The following OR2T2 variants were observed in gnomAD, a reference collection of about 807,000 sequenced individuals.
The protein encoded by OR2T2 is olfactory receptor 2T2.
For synonymous variants in OR2T2, 50 were observed against 162.7 expected, an observed-to-expected ratio of 0.31 and a Z score of 5.27; for missense variants, 138 against 409.1, an observed-to-expected ratio of 0.34 and a Z score of 5.72.
At position 248,452,673 on chromosome 1, in the gene OR2T2, G is replaced by A. The variant is rs1572911461; in HGVS notation, c.-22-103G>A. ...AGGATTTCAAATGATCCTGAAGTAG[G>A]TGATCTTTTCTTGATCTCACGCTGC... On this transcript the variant is annotated intron_variant, in intron 2 of 2. Transcript: ENST00000642130. 1.9e-5 allele frequency: 18 copies of A among 924,460 alleles called. No homozygotes were observed. In the East Asian group the frequency reaches 4.4e-4, roughly 23 times the overall value. 57.3% of individuals were successfully genotyped at this position (924,460 alleles called of 1,614,324 possible).
intron 1 of OR2T2, among the ~76,000 whole-genome samples, chr1:248,446,354 G>C (rs373942672): frequency 7.2e-6 from 1 of 138,508 alleles, no homozygotes; most frequent in African/African-American, 3.0e-5. Flanking sequence ...GGAAGCTCAG[G>C]CTGTAGGGGT....
At chr1:248,454,016 G>T (rs1662884140) in exon 3 of OR2T2, 1 of 455,566 alleles carries the variant, frequency 2.2e-6, no homozygotes, top group Non-Finnish European at 3.8e-6. Context: ...GATTACTTAG[G>T]AACAGTAGCG....
At chr1:248,446,864 T>C (rs1300518159) in intron 2 of OR2T2, 53 bp downstream of exon 2, 2 of 147,750 alleles carry the variant, frequency 1.4e-5, no homozygotes, top group Non-Finnish European at 2.9e-5. Context: ...AACTAACTTC[T>C]GGCATAGTAA....
chr1:248,453,850 G>T lies in OR2T2; in HGVS notation c.*78G>T, dbSNP rs192553060. 5.7e-3 allele frequency: 6,815 copies of T among 1,205,634 alleles called. 41 individuals are homozygous for T. The highest frequency in any genetic ancestry group is 6.4e-3 in the Non-Finnish European group (5,816 of 912,696). 74.7% of individuals were successfully genotyped at this position (1,205,634 alleles called of 1,614,324 possible). On this transcript the variant is annotated 3_prime_UTR_variant, in exon 3 of 3. Transcript: ENST00000642130. ...GGACTCCCAGAGCATCAGGGGTGGT[G>T]ACTGATCAGGAAGGACTAGCAAGGA...
At chr1:248,449,051 A>AT (rs1662730597) in intron 2 of OR2T2, 143 bp from the exon 3 acceptor site, 1 of 144,898 alleles carries the variant, frequency 6.9e-6, no homozygotes, top group Non-Finnish European at 1.5e-5. Flanking sequence ...ATCAAACTTA[A>AT]CTATGTGCCC....
intron 1 of OR2T2, 82 bp from the exon 2 acceptor site, chr1:248,446,507 G>A (rs919031967): frequency 1.4e-5 from 2 of 139,810 alleles, no homozygotes; most frequent in Admixed American, 6.8e-5. Context: ...GGGTGGACTA[G>A]ATGGGCTCGC....
rs1662847596 is a variant in OR2T2 at position 248,453,116 on chromosome 1, A to C, written c.319A>C (p.Thr107Pro). 2.5e-6 allele frequency: 4 copies of C among 1,613,038 alleles called. No individual in the cohort carries two copies. The African/African-American group carries it at 5.4e-5, about 22-fold the overall frequency. Residue 107 changes from threonine (T) to proline (P), a missense_variant, in exon 3 of 3, where the codon ACC (threonine) becomes CCC (proline). Thr to Pro is a conservative substitution (Grantham distance 38). Transcript: ENST00000642130. ...TGCAGTTCAGATCTTCCTCTACCTG[A>C]CCCTGATTGGAGGGGAATTCTTCCT...
exon 3 of OR2T2, chr1:248,453,844 G>T: frequency 5.3e-6 from 7 of 1,326,206 alleles, no homozygotes; most frequent in Non-Finnish European, 7.0e-6. Context: ...GAGCATCAGG[G>T]GTGGTGACTG....
chr1:248,447,885 TTGC>T (rs1350051642), intron 2 of OR2T2, among the ~76,000 whole-genome samples: 1 of 145,238 alleles, frequency 6.9e-6, no homozygotes, highest in Non-Finnish European at 1.5e-5. Flanking sequence ...ATCCGCCAGG[TTGC>T]TATCTACCAT....
At chr1:248,446,290 A>G (rs1438828776) in intron 1 of OR2T2, among the ~76,000 whole-genome samples, 1 of 144,660 alleles carries the variant, frequency 6.9e-6, no homozygotes, top group Non-Finnish European at 1.5e-5. Context: ...AGCATGGCAT[A>G]TAAAAGCCTG....
chr1:248,450,437 T>C (rs1662770346), intron 2 of OR2T2, among the ~76,000 whole-genome samples: 1 of 147,488 alleles, frequency 6.8e-6, no homozygotes. Context: ...TACTCTCCTC[T>C]TCTGGGATCC....
In OR2T2 at chr1:248,447,902, T is replaced by TA. The variant is rs1238095595; in HGVS notation, c.-23+1092dup. 2.2e-4 allele frequency among the ~76,000 whole-genome samples: 31 copies of TA among 141,780 alleles called. No homozygotes were observed. In the East Asian group the frequency reaches 7.0e-3, roughly 32 times the overall value. The allele number at this position is 141,780 out of a possible 152,430, so 93.0% of individuals were successfully genotyped here. On this transcript the variant is annotated intron_variant, in intron 2 of 2. Transcript: ENST00000642130. The stretch of plus-strand genomic sequence containing the variant: ...CCGCCAGGTTGCTATCTACCATGTG[T>TA]AGAAAATATTAAATGAAAAATCTCA...
At chr1:248,453,821 G>A (rs763098962) in exon 3 of OR2T2, 27 of 1,443,622 alleles carry the variant, frequency 1.9e-5, no homozygotes, top group Non-Finnish European at 2.1e-5. Context: ...GGAAGGATTA[G>A]CGGGGACTCC....
At chr1:248,447,013 AG>A (rs1662677237) in intron 2 of OR2T2, among the ~76,000 whole-genome samples, 1 of 148,208 alleles carries the variant, frequency 6.7e-6, no homozygotes, top group African/African-American at 2.6e-5. Context: ...GAGGGAAAGT[AG>A]ACTACTTTTC....
At chr1:248,447,532 C>T (rs1206866297) in intron 2 of OR2T2, among the ~76,000 whole-genome samples, 1 of 146,866 alleles carries the variant, frequency 6.8e-6, no homozygotes, top group African/African-American at 2.6e-5. Flanking sequence ...TGGACTCTCC[C>T]CTCTCTCTTC....
rs1433035897 is a variant in OR2T2, at chr1:248,453,077, T to A, written c.280T>A (p.Ser94Thr). 2.5e-6 allele frequency: 4 copies of A among 1,612,994 alleles called. No homozygotes were observed. In the African/African-American group the frequency reaches 5.4e-5, roughly 22 times the overall value. Reference sequence around the variant, plus strand: ...CCTCCTGTCCAAGGACAAGACCATTTCCTTCCTGGGCTGTGCAGTTCAGAT... The same window carrying A: ...CCTCCTGTCCAAGGACAAGACCATTACCTTCCTGGGCTGTGCAGTTCAGAT... The change falls in exon 3 of 3, where the codon TCC (serine) becomes ACC (threonine). Residue 94 changes from serine to threonine, a missense_variant. Transcript: ENST00000642130.
chr1:248,447,975 C>T (rs1444902816), intron 2 of OR2T2, among the ~76,000 whole-genome samples: 2 of 152,274 alleles, frequency 1.3e-5, no homozygotes, highest in Admixed American at 6.5e-5. Context: ...AAATATCATC[C>T]CTCTGTGTAG....
exon 3 of OR2T2, chr1:248,453,882 C>T (rs1437482106): frequency 2.8e-6 from 4 of 1,453,670 alleles, no homozygotes; most frequent in Non-Finnish European, 2.8e-6. Flanking sequence ...AGGACTAGCG[C>T]AAACATCTGC....
intron 2 of OR2T2, among the ~76,000 whole-genome samples, chr1:248,449,984 A>G (rs1475823308): frequency 2.1e-5 from 3 of 145,488 alleles, no homozygotes; most frequent in East Asian, 2.0e-4. Context: ...AATGCTAAAT[A>G]GCATCAACTC....
Sources: allele counts gnomAD v4.1 joint callset (sites outside exome capture counted in the v4.1 genomes callset), GRCh38; gene constraint gnomAD v4.1.1; transcripts MANE v1.5; gene names NCBI Gene and HGNC (gene_info 2026-07-23, HGNC 2026-07-21).